ACAP3: variants seen among roughly 807,000 people sequenced by gnomAD.
The protein encoded by ACAP3 is ArfGAP with coiled-coil, ankyrin repeat and PH domains 3, also known as arf-GAP with coiled-coil, ANK repeat and PH domain-containing protein 3.
In ACAP3, 56 loss-of-function variants were observed where a neutral mutation model predicts 104.1. The ratio of observed to expected loss-of-function variants is 0.54; its 90% confidence interval spans 0.43 to 0.67. ACAP3 has a LOEUF of 0.67. ACAP3 is among the 30% of genes least tolerant of loss of function. ACAP3 has a pLI of 0.00. For missense variants in ACAP3, 1,208 were observed against 1,174.9 expected (o/e 1.03, Z -0.41); for synonymous variants, 628 against 496.2 (o/e 1.27, Z -3.53).
At chr1:1,295,700 A>T (rs1442903704) in intron 18 of ACAP3, 36 bp downstream of exon 18, 1 of 1,575,020 alleles carries the variant, frequency 6.3e-7, no homozygotes, top group South Asian at 1.1e-5. Flanking sequence ...GACCAAGGCA[A>T]GCCCCTCCCA....
Position 1,294,533 on chromosome 1 carries a change from GC to G in ACAP3, c.2007del (p.Leu670SerfsTer43), listed in dbSNP as rs1209289015. On this transcript the variant is annotated frameshift_variant, in exon 21 of 24. Coordinates refer to ENST00000354700, the MANE Select transcript of ACAP3 (RefSeq NM_030649.3). LOFTEE classifies it high-confidence loss of function. ...GCACGCGCTGCGCGGTGCGCCAAGA[GC>G]CCCGGGTGCAGCTCGCGCACGTCCG... is the stretch of plus-strand genomic sequence containing the variant. The part of the protein sequence containing the change: ...GLADVRELHP[G>X]LLAHRAARAR... The G allele has an allele frequency of 6.7e-7, 1 of 1,496,472 alleles. No individual in the cohort carries two copies. The highest frequency in any genetic ancestry group is 2.5e-5 in the Admixed American group (1 of 40,618). 92.7% of individuals were successfully genotyped at this position (1,496,472 alleles called of 1,614,324 possible). A position where few individuals can be genotyped will look rare whatever the true frequency, so the allele number is the denominator to read the frequency against.
intron 4 of ACAP3, among the ~76,000 whole-genome samples, chr1:1,302,597 T>C (rs2100466590): frequency 1.3e-5 from 2 of 152,170 alleles, no homozygotes; most frequent in South Asian, 4.1e-4. Flanking sequence ...TGTGTGTCCA[T>C]CCACGTCAGT....
Position 1,295,914 on chromosome 1 carries a change from C to A in ACAP3, c.1527G>T (p.Lys509Asn). Residue 509 changes from lysine (K) to asparagine (N), a missense_variant, in exon 18 of 24, where the codon AAG (lysine) becomes AAT (asparagine). Lys to Asn is a moderately conservative substitution (Grantham distance 94, BLOSUM62 0). Coordinates refer to ENST00000354700, the MANE Select transcript of ACAP3 (RefSeq NM_030649.3). ...SSRQDKEAWI[K>N]DKYVEKKFLR... ...GAAACTTCTTTTCCACGTATTTGTC[C>A]TTGATCCAGGCCTCCTTGTCCTGCC... 1 of 1,612,450 alleles carries A rather than the reference C, an allele frequency of 6.2e-7. No homozygotes were observed.
chr1:1,300,390 C>A, intron 6 of ACAP3, 119 bp downstream of exon 6: 1 of 1,280,326 alleles, frequency 7.8e-7, no homozygotes, highest in East Asian at 2.5e-5. Context: ...GAGTTCCCAC[C>A]CATGGGCAAA....
At position 1,294,096 on chromosome 1, in the gene ACAP3, C is replaced by T. The variant is rs1483869116; in HGVS notation, c.2243G>A (p.Arg748His). The T allele has an allele frequency of 3.8e-6, 6 of 1,571,468 alleles. No homozygotes were observed. The highest frequency in any genetic ancestry group is 1.2e-5 in the South Asian group (1 of 86,638). ...APLHHATLLGRTGQVCLFLKR... is the reference protein window; with the variant it reads ...APLHHATLLGHTGQVCLFLKR... The stretch of plus-strand genomic sequence containing the variant: ...CGTGGGTTGCGCGTCTCACCCGGTG[C>T]GGCCCAGCAGCGTGGCGTGGTGCAG... The change falls in exon 22 of 24, where the codon CGC becomes CAC. Residue 748 changes from arginine (R) to histidine (H), a missense_variant. By Grantham distance (29) the Arg-to-His change is conservative. Transcript: ENST00000354700.
At position 1,294,599 on chromosome 1, in the gene ACAP3, C is replaced by A; in HGVS notation, c.1942G>T (p.Glu648Ter). The change falls in exon 21 of 24, where the codon GAG becomes TAG. Residue 648 changes from glutamate to a stop codon, truncating the protein, a stop_gained. Coordinates refer to ENST00000354700, the MANE Select transcript of ACAP3 (RefSeq NM_030649.3). LOFTEE classifies it high-confidence loss of function. ...TCGGCCTCAGTGTCCCCGTCTGCCTCACCGCTGGACTCCTCCGACTCTGCA... is the reference window on the plus strand; with the variant it reads ...TCGGCCTCAGTGTCCCCGTCTGCCTAACCGCTGGACTCCTCCGACTCTGCA... ...EGAESEESSG[E>*]ADGDTEAEAW... is the part of the protein sequence containing the mutation. 2 of 1,516,808 alleles carry A rather than the reference C, an allele frequency of 1.3e-6. No individual in the cohort carries two copies. Among genetic ancestry groups the A allele is most frequent in the South Asian group, 1.3e-5 (1 of 79,680 alleles). 94.0% of individuals were successfully genotyped at this position (1,516,808 alleles called of 1,614,324 possible). A position where few individuals can be genotyped will look rare whatever the true frequency, so the allele number is the denominator to read the frequency against.
chr1:1,298,687 G>A lies in ACAP3; in HGVS notation c.751-8C>T, dbSNP rs1321205566. 7 of 1,607,482 alleles carry A rather than the reference G, an allele frequency of 4.4e-6. No individual in the cohort carries two copies. Among genetic ancestry groups the A allele is most frequent in the East Asian group, 2.2e-5 (1 of 44,862 alleles). The stretch of plus-strand genomic sequence containing the variant: ...CTCATCGTAGGAGAAGTCCTGGGGG[G>A]ATGGAACCCGCCCCCTCAGTGCCCA... On this transcript the variant is annotated splice_region_variant and splice_polypyrimidine_tract_variant and intron_variant, in intron 10 of 23. Coordinates refer to ENST00000354700, the MANE Select transcript of ACAP3 (RefSeq NM_030649.3).
In ACAP3 at chr1:1,295,942, G is replaced by A. The variant is rs1641120368; in HGVS notation, c.1503-4C>T. On this transcript the variant is annotated splice_polypyrimidine_tract_variant and splice_region_variant and intron_variant, in intron 17 of 23. Transcript: ENST00000354700. ...GATCCAGGCCTCCTTGTCCTGCCTG[G>A]ACCAGGGGGGAACATGAGGCTGTGC... The A allele has an allele frequency of 6.2e-7, 1 of 1,612,374 alleles. No individual in the cohort carries two copies. The highest frequency in any genetic ancestry group is 1.3e-5 in the African/African-American group (1 of 74,912).
rs1640973636 is a variant in ACAP3 at position 1,293,868 on chromosome 1, G to A, written c.2315C>T (p.Pro772Leu). The A allele has an allele frequency of 1.3e-6, 2 of 1,563,256 alleles. No homozygotes were observed. Among genetic ancestry groups the A allele is most frequent in the African/African-American group, 1.5e-5 (1 of 67,062 alleles). Residue 772 changes from proline (P) to leucine (L), a missense_variant, in exon 23 of 24, where the codon CCG becomes CTG. Pro to Leu is a moderately conservative substitution (Grantham distance 98). Transcript: ENST00000354700. ...QHALDQEQRD[P>L]LAIAVQAANA... ...GGCCGCCTGCACTGCGATGGCCAAC[G>A]GGTCCCGCTGCTCTTGGTCCAGGGC...
rs572901534 is a variant in ACAP3, at chr1:1,303,327, G to A, written c.106-46C>T. On this transcript the variant is annotated intron_variant, in intron 2 of 23. Coordinates refer to ENST00000354700, the MANE Select transcript of ACAP3 (RefSeq NM_030649.3). The surrounding 1 kb of genome is among the most constrained non-coding windows in gnomAD (Gnocchi z 4.0). ...GTGAGCACAGTGGGCACTGGCGCCT[G>A]CACTCGCCACCACACACGGCCACTC... The A allele has an allele frequency of 5.2e-6, 8 of 1,544,642 alleles. No homozygotes were observed. The African/African-American group carries it at 8.2e-5, about 16-fold the overall frequency.
chr1:1,299,623 A>G, intron 9 of ACAP3: 1 of 726,250 alleles, frequency 1.4e-6, no homozygotes. Context: ...CACCGCCTCA[A>G]AAGGAGATCC....
intron 19 of ACAP3, 75 bp from the exon 20 acceptor site, chr1:1,294,891 A>C: frequency 6.9e-7 from 1 of 1,454,712 alleles, no homozygotes; most frequent in Non-Finnish European, 9.4e-7. Flanking sequence ...GCAAGGCTGG[A>C]ACTCCACCCA....
intron 5 of ACAP3, among the ~76,000 whole-genome samples, chr1:1,301,064 G>A (rs998255234): frequency 6.6e-6 from 1 of 152,016 alleles, no homozygotes; most frequent in Non-Finnish European, 1.5e-5. Flanking sequence ...ACTGCGCCTG[G>A]CCTGGTTTTG....
chr1:1,304,874 C>T (rs1467518448), intron 1 of ACAP3: 2 of 152,368 alleles, frequency 1.3e-5, no homozygotes, highest in Non-Finnish European at 2.9e-5. Flanking sequence ...GTGACCACCC[C>T]CTCCGGGAGC....
At chr1:1,302,735 G>A (rs932308152) in intron 4 of ACAP3, among the ~76,000 whole-genome samples, 187 bp downstream of exon 4, 1 of 151,256 alleles carries the variant, frequency 6.6e-6, no homozygotes, top group African/African-American at 2.4e-5. Context: ...CCCTTGCCTG[G>A]GACACGGCAG....
Position 1,303,068 on chromosome 1 carries a change from C to G in ACAP3, c.226-93G>C. On this transcript the variant is annotated intron_variant, in intron 3 of 23. Transcript: ENST00000354700. The surrounding 1 kb of genome is among the most constrained non-coding windows in gnomAD (Gnocchi z 4.0). ...CTGAGCCCCTGGGCGGTGCAGACAC[C>G]GGCCTGCTTCTGGCCTGGACGCCCT... is the stretch of plus-strand genomic sequence containing the variant. The G allele has an allele frequency of 6.4e-7, 1 of 1,551,102 alleles. No homozygotes were observed. Among genetic ancestry groups the G allele is most frequent in the Non-Finnish European group, 8.7e-7 (1 of 1,146,354 alleles).
intron 4 of ACAP3, among the ~76,000 whole-genome samples, chr1:1,302,285 G>A (rs377140691): frequency 1.4e-3 from 213 of 152,058 alleles, no homozygotes; most frequent in Middle Eastern, 3.2e-3. Context: ...GAGTGCAGAG[G>A]CCAAGGCTGC....
chr1:1,299,312 C>A, intron 10 of ACAP3, 33 bp downstream of exon 10: 2 of 1,594,472 alleles, frequency 1.3e-6, no homozygotes, highest in Non-Finnish European at 1.7e-6. Context: ...TCTCCCCCGA[C>A]CCACAGCCCG....
intron 6 of ACAP3, 109 bp from the exon 7 acceptor site, chr1:1,300,311 G>T: frequency 7.3e-7 from 1 of 1,376,000 alleles, no homozygotes; most frequent in Non-Finnish European, 9.8e-7. Flanking sequence ...AGACCCCCAG[G>T]TCGTCTTCAG....
Sources: gnomAD v4.1 joint callset for allele counts (sites outside exome capture counted in the v4.1 genomes callset) on GRCh38, gnomAD v4.1.1 for gene constraint, Gnocchi (gnomAD v3.1) non-coding constraint, MANE v1.5 for transcripts, NCBI Gene and HGNC (gene_info 2026-07-23, HGNC 2026-07-21) for gene names.